The following YIPF7 variants were observed in gnomAD, a reference collection of about 807,000 sequenced individuals.
YIPF7 encodes the protein protein YIPF7.
YIPF7 carries 35 observed loss-of-function variants against 27.2 expected under a neutral mutation model. The ratio of observed to expected loss-of-function variants is 1.29; its 90% confidence interval spans 0.98 to 1.70. YIPF7 has a LOEUF of 1.70. YIPF7 is among the 40% of genes most tolerant of loss of function. The pLI is 0.00. For synonymous variants in YIPF7, 137 were observed against 110.4 expected, an observed-to-expected ratio of 1.24 and a Z score of -1.51; for missense variants, 358 against 303.7, an observed-to-expected ratio of 1.18 and a Z score of -1.33.
upstream of YIPF7, among the ~76,000 whole-genome samples, chr4:44,656,430 A>G (rs1183108309): frequency 3.9e-5 from 6 of 151,914 alleles, no homozygotes; most frequent in East Asian, 5.8e-4. Context: ...ACTTAATTCT[A>G]TTTTTCCATG....
At chr4:44,643,576 GA>G (rs2109593787) in intron 2 of YIPF7, among the ~76,000 whole-genome samples, 1 of 152,238 alleles carries the variant, frequency 6.6e-6, no homozygotes, top group East Asian at 1.9e-4. Context: ...AAGAAAACAG[GA>G]AAAGGACTCA....
At chr4:44,648,664 C>T (rs960116586) in intron 2 of YIPF7, among the ~76,000 whole-genome samples, 1 of 152,080 alleles carries the variant, frequency 6.6e-6, no homozygotes, top group Non-Finnish European at 1.5e-5. Context: ...AACAAAGTGT[C>T]AATTGCTTTT....
At chr4:44,638,985 T>A (rs766665862) in intron 2 of YIPF7, among the ~76,000 whole-genome samples, 6 of 152,164 alleles carry the variant, frequency 3.9e-5, no homozygotes, top group Admixed American at 3.9e-4. Flanking sequence ...GCTTTGTCAA[T>A]GACTAGTTAG....
chr4:44,649,684 C>T (rs1177480244), intron 2 of YIPF7, among the ~76,000 whole-genome samples: 1 of 151,730 alleles, frequency 6.6e-6, no homozygotes, highest in African/African-American at 2.4e-5. Context: ...GAGGCTGAGG[C>T]ACAGAATCGC....
intron 3 of YIPF7, among the ~76,000 whole-genome samples, chr4:44,634,018 C>G (rs531965278): frequency 6.6e-6 from 1 of 152,164 alleles, no homozygotes; most frequent in African/African-American, 2.4e-5. Flanking sequence ...GTGTCAGTAC[C>G]TTTAACCCAG....
intron 2 of YIPF7, among the ~76,000 whole-genome samples, chr4:44,639,654 C>A (rs563464769): frequency 1.2e-4 from 18 of 151,962 alleles, no homozygotes; most frequent in Non-Finnish European, 2.1e-4. Context: ...TCATATCATC[C>A]AATTACCAAT....
At chr4:44,650,929 T>G (rs1173148897) in intron 1 of YIPF7, among the ~76,000 whole-genome samples, 1 of 152,162 alleles carries the variant, frequency 6.6e-6, no homozygotes, top group Non-Finnish European at 1.5e-5. Context: ...AAGTAGAGAA[T>G]AGAGAAGCGA....
At chr4:44,638,930 C>T (rs1282508361) in intron 2 of YIPF7, among the ~76,000 whole-genome samples, 3 of 152,144 alleles carry the variant, frequency 2.0e-5, no homozygotes, top group African/African-American at 7.2e-5. Flanking sequence ...GTCCCAGCAC[C>T]ATTTATTGAA....
intron 1 of YIPF7, among the ~76,000 whole-genome samples, chr4:44,662,079 T>C (rs1012029016): frequency 7.2e-5 from 11 of 152,230 alleles, no homozygotes; most frequent in African/African-American, 1.7e-4. Flanking sequence ...ATACCAACTG[T>C]TGTGCTGTTC....
rs1326034202 is a variant in YIPF7, at chr4:44,651,556, C to G, written c.-4G>C. ...TTTTAGAAGGATCAGACACATACCT[C>G]TGTTTATTTTTTATAGAAAGATCCT... On this transcript the variant is annotated splice_region_variant and 5_prime_UTR_variant, in exon 1 of 6. Transcript: ENST00000415895. 2 of 1,574,254 alleles carry G rather than the reference C, an allele frequency of 1.3e-6. No individual in the cohort carries two copies. Among genetic ancestry groups the G allele is most frequent in the East Asian group, 4.6e-5 (2 of 43,690 alleles).
chr4:44,623,606 C>T (rs996967805), intron 5 of YIPF7, among the ~76,000 whole-genome samples: 1 of 152,092 alleles, frequency 6.6e-6, no homozygotes, highest in African/African-American at 2.4e-5. Flanking sequence ...ATGCCTCAGA[C>T]CATTAATAAA....
At chr4:44,648,656 C>T (rs1357690329) in intron 2 of YIPF7, among the ~76,000 whole-genome samples, 3 of 152,078 alleles carry the variant, frequency 2.0e-5, no homozygotes, top group Admixed American at 2.0e-4. Context: ...CTTTAGGTAA[C>T]AAAGTGTCAA....
chr4:44,650,086 TG>T lies in YIPF7; in HGVS notation c.14del (p.Ala5AspfsTer88). 2.6e-6 allele frequency: 4 copies of T among 1,567,310 alleles called. No homozygotes were observed. The highest frequency in any genetic ancestry group is 3.5e-6 in the Non-Finnish European group (4 of 1,153,394). On this transcript the variant is annotated frameshift_variant, in exon 2 of 6. Transcript: ENST00000415895. LOFTEE classifies it high-confidence loss of function. MSNL[A>X]QFDSDFYQSN... Reference sequence around the variant, plus strand: ...ATTGGTAAAAATCAGAGTCAAATTGTGCCAAGTTTGACATCCTGAAAAATAA... The same window carrying T: ...ATTGGTAAAAATCAGAGTCAAATTGTCCAAGTTTGACATCCTGAAAAATAA...
chr4:44,645,324 GA>G (rs1433678738), intron 2 of YIPF7, among the ~76,000 whole-genome samples: 1 of 152,134 alleles, frequency 6.6e-6, no homozygotes, highest in Non-Finnish European at 1.5e-5. Context: ...CTATGCCAAT[GA>G]GTTTTCATAT....
rs551323974 is a variant in YIPF7 at position 44,637,205 on chromosome 4, C to T, written c.117-1120G>A. On this transcript the variant is annotated intron_variant, in intron 2 of 5. Coordinates refer to ENST00000415895, the MANE Select transcript of YIPF7 (RefSeq NM_182592.3). ...CTATTGTGAGTAGTGCTTCAATAAA[C>T]ATATGAGTGCAGGTATCTTTTTGAT... 2.0e-5 allele frequency among the ~76,000 whole-genome samples: 3 copies of T among 152,276 alleles called. No homozygotes were observed. The East Asian group carries it at 5.8e-4, about 29-fold the overall frequency.
At chr4:44,634,953 G>T (rs1490801634) in intron 3 of YIPF7, among the ~76,000 whole-genome samples, 1 of 152,144 alleles carries the variant, frequency 6.6e-6, no homozygotes, top group Non-Finnish European at 1.5e-5. Context: ...CTTCTAAAGA[G>T]CCAATAGATC....
rs747341508 is a variant in YIPF7, at chr4:44,625,657, A to T, written c.427-875T>A. Among the ~76,000 whole-genome samples, 108 of 152,030 alleles carry T rather than the reference A, an allele frequency of 7.1e-4. 1 individual carries two copies. The highest frequency in any genetic ancestry group is 1.8e-4 in the Non-Finnish European group (12 of 67,984). On this transcript the variant is annotated intron_variant, in intron 4 of 5. Transcript: ENST00000415895. ...GTACACTACCAATCTTCTGAGGAAA[A>T]CTCATAAAAACAGCCATTGCTCATA...
At chr4:44,632,616 A>G (rs113994332) in intron 3 of YIPF7, among the ~76,000 whole-genome samples, 2,075 of 152,328 alleles carry the variant, frequency 0.014, 23 homozygotes, top group Middle Eastern at 0.031. Context: ...ATTTTTGTGC[A>G]TAGTATTATA....
intron 2 of YIPF7, among the ~76,000 whole-genome samples, chr4:44,640,718 T>G (rs1016017556): frequency 1.3e-5 from 2 of 152,102 alleles, no homozygotes; most frequent in Non-Finnish European, 2.9e-5. Flanking sequence ...TCATGGCAAC[T>G]CTCATCCTGC....
Sources: gnomAD v4.1 joint callset for allele counts (sites outside exome capture counted in the v4.1 genomes callset) on GRCh38, gnomAD v4.1.1 for gene constraint, MANE v1.5 for transcripts, NCBI Gene and HGNC (gene_info 2026-07-23, HGNC 2026-07-21) for gene names.